The following CCDC66 variants were observed in gnomAD, a reference collection of about 807,000 sequenced individuals.
CCDC66 encodes coiled-coil domain-containing protein 66.
Under a neutral mutation model 128.3 loss-of-function variants are expected in CCDC66, and 133 were observed. That is an observed-to-expected ratio of 1.04 (90% CI 0.90 to 1.20). The LOEUF is 1.20. Ranked by LOEUF, CCDC66 falls within the 50% of genes most tolerant of loss-of-function variation. The pLI is 0.00. For synonymous variants in CCDC66, 387 were observed against 357.0 expected (o/e 1.08, Z -0.95); for missense variants, 1,126 against 1,075.5 (o/e 1.05, Z -0.66).
At chr3:56,581,528 C>G (rs1003464636) in intron 7 of CCDC66, among the ~76,000 whole-genome samples, 3 of 151,840 alleles carry the variant, frequency 2.0e-5, no homozygotes, top group Non-Finnish European at 4.4e-5. Context: ...GCTCTGGTTT[C>G]TCCCCATCTG....
At chr3:56,599,912 A>G (rs1169399643) in intron 10 of CCDC66, among the ~76,000 whole-genome samples, 1 of 152,064 alleles carries the variant, frequency 6.6e-6, no homozygotes, top group Admixed American at 6.6e-5. Context: ...ACTCCCACTT[A>G]TGAGTGAGAA....
intron 6 of CCDC66, chr3:56,570,624 TG>T (rs1203403939): frequency 5.8e-6 from 1 of 171,514 alleles, no homozygotes; most frequent in Admixed American, 6.4e-5. Context: ...TGGTGCTGCC[TG>T]TAGCCCCAGC....
rs749865464 is a variant in CCDC66, at chr3:56,617,452, A to G, written c.2184A>G (p.Glu728=). The G allele has an allele frequency of 1.2e-5, 19 of 1,614,114 alleles. No homozygotes were observed. In the South Asian group the frequency reaches 2.0e-4, roughly 17 times the overall value. ...CTAAACAGCTTCAAAAGCAGAGAGA[A>G]GAAAAAAAAGTAAGGAGGCAGATGG... ...KYPKQLQKQR[E]EKKVRRQMEL... The change falls in exon 14 of 18, where the codon GAA becomes GAG. Residue 728 remains glutamate, a synonymous_variant. Coordinates refer to ENST00000394672, the MANE Select transcript of CCDC66 (RefSeq NM_001141947.3).
At chr3:56,566,532 T>C in intron 4 of CCDC66, 62 bp from the exon 5 acceptor site, 1 of 1,094,504 alleles carries the variant, frequency 9.1e-7, no homozygotes, top group Non-Finnish European at 1.4e-6. Flanking sequence ...TATAGCACTA[T>C]GCCAAGTATT....
intron 17 of CCDC66, chr3:56,621,038 C>T (rs2076465725): frequency 7.0e-6 from 1 of 143,630 alleles, no homozygotes. Context: ...GTGGTGGGTG[C>T]CTGTAGTCCC....
chr3:56,619,648 C>T lies in CCDC66; in HGVS notation c.2635+121C>T, dbSNP rs1261901794. On this transcript the variant is annotated intron_variant, in intron 16 of 17. Coordinates refer to ENST00000394672, the MANE Select transcript of CCDC66 (RefSeq NM_001141947.3). ...GTTCTATAAAGTTTCTTGAATATGT[C>T]TTAAATTTTTCTTAGTACTTTCCTA... The T allele has an allele frequency of 7.4e-6, 11 of 1,484,304 alleles. No individual in the cohort carries two copies. The Admixed American group carries it at 1.6e-4, about 21-fold the overall frequency. The allele number at this position is 1,484,304 out of a possible 1,614,324, so 91.9% of individuals were successfully genotyped here.
intron 7 of CCDC66, among the ~76,000 whole-genome samples, chr3:56,582,017 A>C (rs2068472549): frequency 6.6e-6 from 1 of 151,886 alleles, no homozygotes; most frequent in Non-Finnish European, 1.5e-5. Flanking sequence ...CCAGAGGTGG[A>C]GTCTACAGAG....
rs185913118 is a variant in CCDC66 at position 56,617,384 on chromosome 3, A to G, written c.2116A>G (p.Asn706Asp). The G allele has an allele frequency of 2.1e-5, 34 of 1,613,828 alleles. No homozygotes were observed. The highest frequency in any genetic ancestry group is 5.3e-5 in the African/African-American group (4 of 74,884). Reference protein sequence around the residue: ...KYPKRPDWNINKPPKRYIPAS... With the variant: ...KYPKRPDWNIDKPPKRYIPAS... The stretch of plus-strand genomic sequence containing the variant: ...TCCTAAAAGGCCTGATTGGAATATA[A>G]ATAAGCCACCTAAAAGGTATATTCC... The change falls in exon 14 of 18, where the codon AAT becomes GAT. Residue 706 changes from asparagine to aspartate, a missense_variant. Asn to Asp is a conservative substitution (Grantham distance 23). Transcript: ENST00000394672.
Position 56,617,920 on chromosome 3 carries a change from A to T in CCDC66, c.2338-252A>T, listed in dbSNP as rs1578059810. 1.0e-5 allele frequency: 6 copies of T among 574,342 alleles called. No individual in the cohort carries two copies. The East Asian group carries it at 1.7e-4, about 16-fold the overall frequency. 35.6% of individuals were successfully genotyped at this position (574,342 alleles called of 1,614,324 possible). ...CTTTACACTTACACAACTTCTGTAG[A>T]TGGATGCTGTGTATTCAAATACCCC... is the stretch of plus-strand genomic sequence containing the variant. On this transcript the variant is annotated intron_variant, in intron 14 of 17. Transcript: ENST00000394672.
intron 7 of CCDC66, among the ~76,000 whole-genome samples, chr3:56,586,311 G>A (rs938614231): frequency 3.3e-5 from 5 of 150,796 alleles, no homozygotes; most frequent in Admixed American, 1.3e-4. Context: ...GGTGGATCAC[G>A]AGGTCAGGAA....
chr3:56,617,360 C>A lies in CCDC66; in HGVS notation c.2092C>A (p.Pro698Thr), dbSNP rs2075648721. ...EKQTKHMKKY[P>T]KRPDWNINKP... ...ACAAACAAAACACATGAAGAAATAT[C>A]CTAAAAGGCCTGATTGGAATATAAA... The change falls in exon 14 of 18, where the codon CCT (proline) becomes ACT (threonine). Residue 698 changes from proline (P) to threonine (T), a missense_variant. Transcript: ENST00000394672. The A allele has an allele frequency of 6.2e-7, 1 of 1,613,534 alleles. No individual in the cohort carries two copies. The highest frequency in any genetic ancestry group is 8.5e-7 in the Non-Finnish European group (1 of 1,179,906).
chr3:56,571,196 T>A lies in CCDC66; in HGVS notation c.830T>A (p.Leu277Ter). Reference sequence around the variant, plus strand: ...TTATTTACAGATGAACAGGTTGCTTTAAAGAAGAAAGAAAAAGAAGTTTCT... The same window carrying A: ...TTATTTACAGATGAACAGGTTGCTTAAAAGAAGAAAGAAAAAGAAGTTTCT... ...WRKELDEQVALKKKEKEVSEK... is the reference protein window; with the variant it reads ...WRKELDEQVA The change falls in exon 7 of 18, where the codon TTA becomes TAA. Residue 277 changes from leucine (L) to a stop codon, truncating the protein, a stop_gained. Transcript: ENST00000394672. LOFTEE classifies it high-confidence loss of function. 1.3e-6 allele frequency: 2 copies of A among 1,525,520 alleles called. No homozygotes were observed. Among genetic ancestry groups the A allele is most frequent in the Non-Finnish European group, 1.8e-6 (2 of 1,119,876 alleles). The allele number at this position is 1,525,520 out of a possible 1,614,324, so 94.5% of individuals were successfully genotyped here.
intron 7 of CCDC66, chr3:56,572,400 C>T (rs1411796650): frequency 7.8e-7 from 1 of 1,289,114 alleles, no homozygotes; most frequent in African/African-American, 1.5e-5. Context: ...ATGGGGCATT[C>T]ACAACTTAGA....
intron 7 of CCDC66, among the ~76,000 whole-genome samples, chr3:56,584,119 ACCTC>A (rs2069021979): frequency 1.6e-5 from 2 of 121,924 alleles, no homozygotes; most frequent in African/African-American, 6.4e-5. Context: ...GCTGCCCCCC[ACCTC>A]CCTCCCGGAC....
intron 7 of CCDC66, among the ~76,000 whole-genome samples, chr3:56,575,258 ACTTT>A (rs1204731218): frequency 2.0e-5 from 3 of 150,914 alleles, no homozygotes; most frequent in African/African-American, 7.3e-5. Flanking sequence ...ACCAACACTT[ACTTT>A]CTGATTTATT....
chr3:56,598,135 G>GTTTGT (rs1236356319), intron 10 of CCDC66, among the ~76,000 whole-genome samples: 14 of 135,340 alleles, frequency 1.0e-4, no homozygotes, highest in South Asian at 5.2e-4. Flanking sequence ...TTTGATTTTA[G>GTTTGT]TTTGTTTTGT....
chr3:56,565,827 C>T (rs535228956), intron 4 of CCDC66, among the ~76,000 whole-genome samples: 212 of 150,162 alleles, frequency 1.4e-3, no homozygotes, highest in African/African-American at 4.9e-3. Flanking sequence ...CCACCACGCC[C>T]GGCTAATGTT....
chr3:56,591,662 CTAAAGA>C (rs2070922576), intron 7 of CCDC66, among the ~76,000 whole-genome samples: 1 of 152,216 alleles, frequency 6.6e-6, no homozygotes, highest in South Asian at 2.1e-4. Flanking sequence ...AATCTTTTAC[CTAAAGA>C]TAATGTTCCT....
At chr3:56,561,102 A>C in intron 3 of CCDC66, 1 of 423,834 alleles carries the variant, frequency 2.4e-6, no homozygotes, top group South Asian at 1.7e-5. Context: ...ATGCTCCCCA[A>C]TCACAGACTA....
Sources: allele counts gnomAD v4.1 joint callset (sites outside exome capture counted in the v4.1 genomes callset), GRCh38; gene constraint gnomAD v4.1.1; transcripts MANE v1.5; gene names NCBI Gene and HGNC (gene_info 2026-07-23, HGNC 2026-07-21).